Variants in BSCL2 observed in about 807,000 individuals in gnomAD.
The protein encoded by BSCL2 is BSCL2 lipid droplet biogenesis associated, seipin, also known as seipin.
In BSCL2, 41 loss-of-function variants were observed where a neutral mutation model predicts 57.4. The observed-to-expected ratio is 0.71, with a 90% CI of 0.56 to 0.93. The LOEUF is 0.93. Among genes scored for constraint, BSCL2 ranks in the 40% least tolerant of loss-of-function variants. The pLI is 0.00. For synonymous variants in BSCL2, 237 were observed against 227.3 expected, an observed-to-expected ratio of 1.04 and a Z score of -0.38; for missense variants, 539 against 586.7, an observed-to-expected ratio of 0.92 and a Z score of 0.84.
Position 62,705,518 on chromosome 11 carries a change from G to GGA in BSCL2, c.185_186dup (p.Pro63SerfsTer94). 1.2e-6 allele frequency: 2 copies of GGA among 1,613,594 alleles called. No homozygotes were observed. Among genetic ancestry groups the GGA allele is most frequent in the Non-Finnish European group, 1.7e-6 (2 of 1,179,562 alleles). On this transcript the variant is annotated frameshift_variant, in exon 2 of 11. Transcript: ENST00000360796. LOFTEE classifies it high-confidence loss of function. ...ACTGGAGGGTCGTTGACCATGGCCG[G>GGA]GAGAGCAGGGTGTCTGGCCCCAGGT...
chr11:62,709,218 A>C (rs1033906381), upstream of BSCL2: 2 of 455,800 alleles, frequency 4.4e-6, no homozygotes, highest in African/African-American at 4.0e-5. Context: ...CTCCTGTGTT[A>C]GAATTCTTGG....
intron 2 of BSCL2, 35 bp from the exon 3 acceptor site, chr11:62,702,584 TA>T (rs1945677853): frequency 6.4e-6 from 10 of 1,561,950 alleles, no homozygotes; most frequent in Non-Finnish European, 8.8e-6. Flanking sequence ...TCTGCTAAGT[TA>T]GTCTTACTAG....
At position 62,692,683 on chromosome 11, in the gene BSCL2, C is replaced by T. The variant is rs10776; in HGVS notation, c.745G>A (p.Ala249Thr). The T allele has an allele frequency of 2.3e-4, 376 of 1,614,108 alleles. 1 individual carries two copies. The highest frequency in any genetic ancestry group is 1.0e-3 in the Admixed American group (62 of 60,016). The change falls in exon 5 of 11, where the codon GCA becomes ACA. Residue 249 changes from alanine (A) to threonine (T), a missense_variant. Around this residue, in one of 3 missense-constraint regions of BSCL2, gnomAD observed 73 missense variants for 122.0 expected, o/e 0.60. Transcript: ENST00000360796. Reference protein sequence around the residue: ...QKQLLEVELYADYRENSYVPT... With the variant: ...QKQLLEVELYTDYRENSYVPT... ...CTCACCGAGTTCTCTCTATAGTCTG[C>T]GTAGAGTTCCACCTCCAGCAGCTGC...
At chr11:62,693,781 T>C (rs1166518224) in intron 4 of BSCL2, among the ~76,000 whole-genome samples, 1 of 152,060 alleles carries the variant, frequency 6.6e-6, no homozygotes, top group African/African-American at 2.4e-5. Flanking sequence ...CCTGGGGTGT[T>C]TGGCAAAGGT....
chr11:62,694,324 C>T (rs1334938830), intron 4 of BSCL2, among the ~76,000 whole-genome samples: 1 of 147,546 alleles, frequency 6.8e-6, no homozygotes, highest in Non-Finnish European at 1.5e-5. Flanking sequence ...CCACCTCAGC[C>T]TCTAGAGTAG....
chr11:62,708,266 G>A (rs1431776028), upstream of BSCL2: 2 of 1,418,882 alleles, frequency 1.4e-6, no homozygotes, highest in Non-Finnish European at 2.0e-6. Context: ...AGCTGAGACT[G>A]TGCTCTGAGA....
At chr11:62,706,395 G>T in intron 1 of BSCL2, 1 of 730,720 alleles carries the variant, frequency 1.4e-6, no homozygotes, top group Non-Finnish European at 1.9e-6. Flanking sequence ...ACGGCGGGGC[G>T]GGGCGGGACG....
At chr11:62,707,735 A>G (rs1471051626), upstream of BSCL2, 2 of 305,412 alleles carry the variant, frequency 6.5e-6, no homozygotes, top group African/African-American at 4.3e-5. Context: ...AGCTGCAGAA[A>G]CTGAGACCAG....
chr11:62,706,317 C>G (rs2083534680), intron 1 of BSCL2: 1 of 1,127,650 alleles, frequency 8.9e-7, no homozygotes. Flanking sequence ...CGGGGAAGTC[C>G]CGCCCCTCTC....
At chr11:62,702,195 T>C (rs1378021094) in intron 3 of BSCL2, among the ~76,000 whole-genome samples, 1 of 152,004 alleles carries the variant, frequency 6.6e-6, no homozygotes, top group Non-Finnish European at 1.5e-5. Flanking sequence ...GCCTCCCAAG[T>C]AGCTGGGATT....
chr11:62,698,396 A>G (rs1382732887), intron 3 of BSCL2, among the ~76,000 whole-genome samples: 2 of 143,984 alleles, frequency 1.4e-5, no homozygotes, highest in Non-Finnish European at 3.0e-5. Context: ...ACAGGGTTTC[A>G]CCATATTGGT....
At chr11:62,708,952 C>T (rs879374630), upstream of BSCL2, 3 of 695,544 alleles carry the variant, frequency 4.3e-6, no homozygotes, top group Non-Finnish European at 7.7e-6. Flanking sequence ...GCACAAGGCC[C>T]ACCCTCACCT....
intron 2 of BSCL2, 78 bp downstream of exon 2, chr11:62,705,223 G>C: frequency 1.4e-6 from 2 of 1,408,610 alleles, no homozygotes; most frequent in Non-Finnish European, 2.0e-6. Context: ...CTGTAAATGA[G>C]GGGATTGAAC....
chr11:62,706,856 C>T (rs1370210806), intron 1 of BSCL2: 2 of 603,454 alleles, frequency 3.3e-6, no homozygotes. Context: ...CACTCTCCCT[C>T]AGAGTCCCCA....
chr11:62,696,278 TTGTGTGTGTG>T (rs1197051764), intron 3 of BSCL2, among the ~76,000 whole-genome samples: 4 of 136,226 alleles, frequency 2.9e-5, no homozygotes, highest in African/African-American at 8.1e-5. Context: ...CATAAACTTT[TTGTGTGTGTG>T]TGTGTGTGTG....
intron 4 of BSCL2, among the ~76,000 whole-genome samples, chr11:62,693,600 T>C (rs1180231603): frequency 6.6e-6 from 1 of 152,168 alleles, no homozygotes; most frequent in Non-Finnish European, 1.5e-5. Context: ...GCAGTTACTA[T>C]TATACCCATT....
chr11:62,705,666 T>C (rs906969682), intron 1 of BSCL2, 49 bp from the exon 2 acceptor site: 1 of 1,455,448 alleles, frequency 6.9e-7, no homozygotes, highest in African/African-American at 1.4e-5. Context: ...CCCAGGGAGG[T>C]GGGGACAAAA....
intron 3 of BSCL2, 74 bp from the exon 4 acceptor site, chr11:62,694,785 C>T (rs1004834015): frequency 3.9e-6 from 6 of 1,532,528 alleles, no homozygotes; most frequent in Non-Finnish European, 5.3e-6. Flanking sequence ...CCACCTCCCT[C>T]TTAGCCCCCG....
chr11:62,694,784 T>G, intron 3 of BSCL2, 73 bp from the exon 4 acceptor site: 10 of 1,534,712 alleles, frequency 6.5e-6, no homozygotes, highest in Non-Finnish European at 8.8e-6. Flanking sequence ...TCCACCTCCC[T>G]CTTAGCCCCC....
Sources: allele counts gnomAD v4.1 joint callset (sites outside exome capture counted in the v4.1 genomes callset), GRCh38; gene constraint gnomAD v4.1.1; regional missense constraint gnomAD v4.1.1; transcripts MANE v1.5; gene names NCBI Gene and HGNC (gene_info 2026-07-23, HGNC 2026-07-21).